The following SPOCK3 variants were observed in gnomAD, a reference collection of about 807,000 sequenced individuals.
SPOCK3 encodes the protein testican-3.
Under a neutral mutation model 56.6 loss-of-function variants are expected in SPOCK3, and 30 were observed. That is an observed-to-expected ratio of 0.53 (90% CI 0.40 to 0.72). SPOCK3 has a LOEUF of 0.72. Among genes scored for constraint, SPOCK3 ranks in the 30% least tolerant of loss-of-function variants. SPOCK3 has a pLI of 0.00. For missense variants in SPOCK3, 527 were observed against 530.0 expected (o/e 0.99, Z 0.06); for synonymous variants, 196 against 183.3 (o/e 1.07, Z -0.56).
chr4:167,010,732 C>T (rs1018480843), intron 3 of SPOCK3, among the ~76,000 whole-genome samples: 16 of 151,594 alleles, frequency 1.1e-4, no homozygotes, highest in Non-Finnish European at 2.1e-4. Flanking sequence ...TTGCAAGAAG[C>T]GATGATGAGC....
chr4:167,081,697 T>C (rs1319611998), intron 2 of SPOCK3, among the ~76,000 whole-genome samples: 1 of 151,964 alleles, frequency 6.6e-6, no homozygotes, highest in Non-Finnish European at 1.5e-5. Context: ...TGGAAATACC[T>C]TGGGAAAGAG....
At chr4:167,140,743 A>G (rs1316957079) in intron 2 of SPOCK3, among the ~76,000 whole-genome samples, 10 of 151,942 alleles carry the variant, frequency 6.6e-5, no homozygotes, top group Admixed American at 5.9e-4. Flanking sequence ...CCTCCCCCAG[A>G]GTTCAGAAAA....
At chr4:166,735,693 G>T (rs1734148438) in intron 10 of SPOCK3, among the ~76,000 whole-genome samples, 1 of 152,070 alleles carries the variant, frequency 6.6e-6, no homozygotes, top group South Asian at 2.1e-4. Flanking sequence ...AGAGGAAAGA[G>T]TCCATGAACC....
chr4:166,806,817 C>T (rs1046851474), intron 6 of SPOCK3, among the ~76,000 whole-genome samples: 5 of 151,820 alleles, frequency 3.3e-5, no homozygotes, highest in Admixed American at 6.6e-5. Context: ...TTTATTCATG[C>T]GAGATGTATT....
chr4:167,031,661 A>C (rs2150182201), intron 3 of SPOCK3, among the ~76,000 whole-genome samples: 1 of 152,118 alleles, frequency 6.6e-6, no homozygotes, highest in Middle Eastern at 3.4e-3. Context: ...GGCATGAAGT[A>C]GAGTATTATG....
At chr4:167,225,155 A>G (rs1232499194) in intron 2 of SPOCK3, among the ~76,000 whole-genome samples, 1 of 152,154 alleles carries the variant, frequency 6.6e-6, no homozygotes, top group Non-Finnish European at 1.5e-5. Flanking sequence ...ACACAGATTA[A>G]GATTATTATT....
chr4:166,827,091 C>T (rs1288044210), intron 6 of SPOCK3, among the ~76,000 whole-genome samples: 1 of 152,056 alleles, frequency 6.6e-6, no homozygotes, highest in Non-Finnish European at 1.5e-5. Context: ...TATATTCAAT[C>T]AAACTTTATC....
intron 9 of SPOCK3, among the ~76,000 whole-genome samples, chr4:166,740,784 C>T (rs1401298757): frequency 6.6e-6 from 1 of 151,962 alleles, no homozygotes; most frequent in African/African-American, 2.4e-5. Context: ...CCTTGGCCTC[C>T]TAAAGTGTTG....
chr4:167,116,134 C>A (rs1375225154), intron 2 of SPOCK3, among the ~76,000 whole-genome samples: 1 of 151,796 alleles, frequency 6.6e-6, no homozygotes, highest in Non-Finnish European at 1.5e-5. Flanking sequence ...CTTATGCATG[C>A]TCTATGTCCC....
chr4:167,155,113 G>T (rs1764709185), intron 2 of SPOCK3, among the ~76,000 whole-genome samples: 1 of 151,544 alleles, frequency 6.6e-6, no homozygotes, highest in Non-Finnish European at 1.5e-5. Context: ...CAAAAATTTT[G>T]TGATTATCCA....
At chr4:167,143,552 A>G (rs1561261771) in intron 2 of SPOCK3, among the ~76,000 whole-genome samples, 3 of 151,996 alleles carry the variant, frequency 2.0e-5, no homozygotes, top group African/African-American at 7.2e-5. Flanking sequence ...TCTTGATTCA[A>G]ACATACATAC....
At chr4:167,093,856 G>C (rs1462512358) in intron 2 of SPOCK3, among the ~76,000 whole-genome samples, 1 of 152,130 alleles carries the variant, frequency 6.6e-6, no homozygotes, top group Non-Finnish European at 1.5e-5. Context: ...CTAGATCCTT[G>C]AGGAAACTCA....
intron 2 of SPOCK3, among the ~76,000 whole-genome samples, chr4:167,093,078 T>G (rs1277466208): frequency 6.6e-6 from 1 of 152,196 alleles, no homozygotes; most frequent in Non-Finnish European, 1.5e-5. Context: ...TAGTATTTTC[T>G]TATTATCAAC....
At chr4:166,912,060 TAAC>T (rs1737340433) in intron 5 of SPOCK3, among the ~76,000 whole-genome samples, 1 of 152,144 alleles carries the variant, frequency 6.6e-6, no homozygotes, top group Admixed American at 6.6e-5. Flanking sequence ...CAAAATATTT[TAAC>T]AATATGGGAC....
intron 3 of SPOCK3, among the ~76,000 whole-genome samples, chr4:167,048,052 A>C (rs1753879481): frequency 6.6e-6 from 1 of 152,166 alleles, no homozygotes; most frequent in Non-Finnish European, 1.5e-5. Context: ...AGAAAAGAAA[A>C]TATGTTAAGT....
At chr4:166,966,795 A>G (rs536746942) in intron 4 of SPOCK3, among the ~76,000 whole-genome samples, 15 of 152,142 alleles carry the variant, frequency 9.9e-5, no homozygotes, top group African/African-American at 3.4e-4. Flanking sequence ...GACCTTACTG[A>G]CCCTCTAGCA....
At chr4:166,817,085 A>G (rs557569586) in intron 6 of SPOCK3, among the ~76,000 whole-genome samples, 1 of 152,198 alleles carries the variant, frequency 6.6e-6, no homozygotes, top group Admixed American at 6.5e-5. Context: ...TTTATTACCC[A>G]CAGCGACAGG....
intron 4 of SPOCK3, among the ~76,000 whole-genome samples, chr4:166,933,790 A>G (rs577695628): frequency 6.2e-4 from 95 of 152,310 alleles, no homozygotes; most frequent in African/African-American, 2.3e-3. Flanking sequence ...AGGGAGGCTT[A>G]CTACCATTAT....
intron 4 of SPOCK3, among the ~76,000 whole-genome samples, chr4:166,939,294 C>G (rs1481480588): frequency 6.6e-6 from 1 of 151,678 alleles, no homozygotes; most frequent in Non-Finnish European, 1.5e-5. Context: ...TGGATTCATT[C>G]TTTTTTTTCA....
Sources: gnomAD v4.1 joint callset for allele counts (sites outside exome capture counted in the v4.1 genomes callset) on GRCh38, gnomAD v4.1.1 for gene constraint, MANE v1.5 for transcripts, NCBI Gene and HGNC (gene_info 2026-07-23, HGNC 2026-07-21) for gene names.